ANTXRL: variants seen among roughly 807,000 people sequenced by gnomAD.
ANTXRL encodes the protein ANTXR like.
ANTXRL carries 63 observed loss-of-function variants against 75.4 expected under a neutral mutation model. The observed-to-expected ratio is 0.84, with a 90% CI of 0.68 to 1.03. ANTXRL has a LOEUF of 1.03. Among genes scored for constraint, ANTXRL ranks in the 50% least tolerant of loss-of-function variants. ANTXRL has a pLI of 0.00. For synonymous variants in ANTXRL, 335 were observed against 291.3 expected, an observed-to-expected ratio of 1.15 and a Z score of -1.53; for missense variants, 797 against 789.4, an observed-to-expected ratio of 1.01 and a Z score of -0.12.
chr10:46,287,291 A>G lies in ANTXRL; in HGVS notation c.29A>G (p.Tyr10Cys), dbSNP rs1202158855. 1.4e-5 allele frequency: 21 copies of G among 1,535,760 alleles called. No homozygotes were observed. Among genetic ancestry groups the G allele is most frequent in the South Asian group, 4.8e-5 (4 of 84,048 alleles). ...GGGAGCCATGAGTCCCTGGGGCCCTACTTCCTGGTCTTCCTGCTGCTGCTG... is the reference window on the plus strand; with the variant it reads ...GGGAGCCATGAGTCCCTGGGGCCCTGCTTCCTGGTCTTCCTGCTGCTGCTG... MGSHESLGP[Y>C]FLVFLLLLLL... Residue 10 changes from tyrosine to cysteine, a missense_variant, in exon 1 of 17, where the codon TAC becomes TGC. Around this residue, in one of 3 missense-constraint regions of ANTXRL, gnomAD observed 262 missense variants for 271.9 expected, o/e 0.96. Coordinates refer to ENST00000620264, the MANE Select transcript of ANTXRL (RefSeq NM_001278688.3).
intron 10 of ANTXRL, 39 bp from the exon 11 acceptor site, chr10:46,306,764 C>A: frequency 1.4e-6 from 2 of 1,469,578 alleles, no homozygotes; most frequent in South Asian, 1.3e-5. Flanking sequence ...AGTGGACAGA[C>A]AGGTGCACTG....
chr10:46,329,353 G>T (rs1324337410), intron 16 of ANTXRL, among the ~76,000 whole-genome samples: 1 of 152,130 alleles, frequency 6.6e-6, no homozygotes, highest in African/African-American at 2.4e-5. Flanking sequence ...AGGGCTGAGG[G>T]AGTCCAGAGT....
chr10:46,306,100 A>C (rs1431550568), intron 10 of ANTXRL, among the ~76,000 whole-genome samples: 5 of 152,160 alleles, frequency 3.3e-5, no homozygotes, highest in Non-Finnish European at 5.9e-5. Context: ...TCAGCGAGTC[A>C]CTGCCCAGAG....
intron 1 of ANTXRL, among the ~76,000 whole-genome samples, chr10:46,291,126 C>A (rs1554956331): frequency 6.6e-6 from 1 of 152,106 alleles, no homozygotes; most frequent in African/African-American, 2.4e-5. Context: ...CAGAAGGGTC[C>A]AACTTCATTC....
chr10:46,315,698 T>C (rs548756813), intron 16 of ANTXRL, among the ~76,000 whole-genome samples: 81 of 152,316 alleles, frequency 5.3e-4, no homozygotes, highest in Non-Finnish European at 1.0e-3. Context: ...TGAGCCTGTT[T>C]GACTGGAATG....
chr10:46,319,711 T>C (rs924457629), intron 16 of ANTXRL, among the ~76,000 whole-genome samples: 1 of 152,130 alleles, frequency 6.6e-6, no homozygotes, highest in African/African-American at 2.4e-5. Context: ...AGAATAAATA[T>C]AAAGATTAGA....
intron 13 of ANTXRL, among the ~76,000 whole-genome samples, chr10:46,309,560 G>A (rs1430798322): frequency 6.6e-6 from 1 of 152,248 alleles, no homozygotes; most frequent in Non-Finnish European, 1.5e-5. Flanking sequence ...GGGCCAGGAG[G>A]TGGCCTCTGT....
intron 16 of ANTXRL, among the ~76,000 whole-genome samples, chr10:46,320,549 T>C (rs1174442630): frequency 6.6e-6 from 1 of 152,098 alleles, no homozygotes; most frequent in Admixed American, 6.6e-5. Flanking sequence ...CTGGCCAACA[T>C]GGCAAAACCC....
intron 16 of ANTXRL, among the ~76,000 whole-genome samples, chr10:46,325,866 G>A (rs532614116): frequency 1.3e-5 from 2 of 152,122 alleles, no homozygotes; most frequent in Admixed American, 6.5e-5. Context: ...ACCCCATTCT[G>A]CTGCTGCCAT....
Position 46,296,103 on chromosome 10 carries a change from A to G in ANTXRL, c.474+3A>G, listed in dbSNP as rs1837360453. On this transcript the variant is annotated splice_donor_region_variant and intron_variant, in intron 4 of 16. Transcript: ENST00000620264. ...TCATGCAGGCAGGATTTAGAAAGGT[A>G]TAGACCCCTTGATCTCCTAACCCTA... The G allele has an allele frequency of 7.2e-6, 11 of 1,535,926 alleles. No individual in the cohort carries two copies. The highest frequency in any genetic ancestry group is 8.7e-6 in the Non-Finnish European group (10 of 1,146,750).
At chr10:46,291,218 T>C (rs1255259604) in intron 1 of ANTXRL, among the ~76,000 whole-genome samples, 3 of 152,164 alleles carry the variant, frequency 2.0e-5, no homozygotes, top group Non-Finnish European at 4.4e-5. Flanking sequence ...CTTAGCACAC[T>C]GGTTGGAAAT....
At chr10:46,310,900 T>G (rs1554963317) in intron 14 of ANTXRL, among the ~76,000 whole-genome samples, 1 of 152,098 alleles carries the variant, frequency 6.6e-6, no homozygotes, top group African/African-American at 2.4e-5. Context: ...ATTTGGCCTC[T>G]CTGGATCCAT....
chr10:46,315,768 C>G lies in ANTXRL; in HGVS notation c.1410+2452C>G, dbSNP rs551492886. 8.2e-4 allele frequency among the ~76,000 whole-genome samples: 125 copies of G among 152,266 alleles called. 2 individuals are homozygous for G. The highest frequency in any genetic ancestry group is 2.9e-3 in the African/African-American group (119 of 41,534). On this transcript the variant is annotated intron_variant, in intron 16 of 16. Coordinates refer to ENST00000620264, the MANE Select transcript of ANTXRL (RefSeq NM_001278688.3). ...AACCTTGTTTAGTTTATTGTTTCAG[C>G]AAATCCAAACATTTTTGCATTTTGG...
chr10:46,310,406 G>A (rs1838352211), intron 13 of ANTXRL, 55 bp from the exon 14 acceptor site: 1 of 1,518,284 alleles, frequency 6.6e-7, no homozygotes, highest in Admixed American at 2.0e-5. Flanking sequence ...GCAGGGCCAA[G>A]GCAGAGCCCG....
intron 14 of ANTXRL, among the ~76,000 whole-genome samples, 185 bp from the exon 15 acceptor site, chr10:46,311,325 G>A (rs782749945): frequency 2.0e-5 from 3 of 152,238 alleles, no homozygotes; most frequent in East Asian, 3.9e-4. Flanking sequence ...AGACAAAGTC[G>A]TTGGCATTTA....
intron 15 of ANTXRL, among the ~76,000 whole-genome samples, chr10:46,312,186 A>G (rs1288372262): frequency 4.0e-5 from 6 of 150,938 alleles, no homozygotes; most frequent in Non-Finnish European, 7.4e-5. Flanking sequence ...GCAGTGAGGA[A>G]AAGCTGTCAC....
chr10:46,295,676 C>CAGGGTT (rs1192513345), intron 3 of ANTXRL, among the ~76,000 whole-genome samples: 2 of 151,754 alleles, frequency 1.3e-5, no homozygotes, highest in African/African-American at 2.4e-5. Context: ...ATCCCTGGTT[C>CAGGGTT]AGGGTTAGGG....
At chr10:46,292,154 C>A (rs1421602827) in intron 2 of ANTXRL, 25 bp downstream of exon 2, 1 of 1,533,936 alleles carries the variant, frequency 6.5e-7, no homozygotes, top group Admixed American at 2.0e-5. Context: ...ATGGCAGCCT[C>A]CCCTGAGCTG....
intron 16 of ANTXRL, among the ~76,000 whole-genome samples, chr10:46,316,263 C>G (rs1312121750): frequency 6.6e-6 from 1 of 152,098 alleles, no homozygotes; most frequent in Non-Finnish European, 1.5e-5. Context: ...ATTTCATTCT[C>G]ACAACACCCA....
Sources: allele counts gnomAD v4.1 joint callset (sites outside exome capture counted in the v4.1 genomes callset), GRCh38; gene constraint gnomAD v4.1.1; regional missense constraint gnomAD v4.1.1; transcripts MANE v1.5; gene names NCBI Gene and HGNC (gene_info 2026-07-23, HGNC 2026-07-21).